The following NAV1 variants were observed in gnomAD, a reference collection of about 807,000 sequenced individuals.
NAV1 encodes the protein neuron navigator 1.
Under a neutral mutation model 175.2 loss-of-function variants are expected in NAV1, and 18 were observed. The observed-to-expected ratio is 0.10, with a 90% confidence interval of 0.07 to 0.15. The LOEUF is 0.15. Ranked by LOEUF, NAV1 falls within the 10% of genes least tolerant of loss-of-function variation. The probability of loss-of-function intolerance (pLI) is 1.00; values close to 1 mark genes in which losing one functional copy is unlikely to be tolerated. For synonymous variants in NAV1, 897 were observed against 978.7 expected (o/e 0.92, Z 1.56); for missense variants, 1,731 against 2,436.6 (o/e 0.71, Z 6.10).
intron 2 of NAV1, among the ~76,000 whole-genome samples, chr1:201,606,321 T>C (rs965083787): frequency 1.3e-5 from 2 of 152,214 alleles, no homozygotes; most frequent in Admixed American, 1.3e-4. Flanking sequence ...GTCTTTATTG[T>C]TCAAGGTAGA....
Position 201,718,885 on chromosome 1 carries a change from T to A in NAV1, c.1226+130T>A. 1 of 1,201,008 alleles carries A rather than the reference T, an allele frequency of 8.3e-7. No homozygotes were observed. 74.4% of individuals were successfully genotyped at this position (1,201,008 alleles called of 1,614,324 possible). ...GTGCTGCTATGAAAGTACACAAAAG[T>A]GTGCTGTGTACACTTTGTGATTGCC... On this transcript the variant is annotated intron_variant, in intron 3 of 29. Coordinates refer to ENST00000367296, the Ensembl canonical transcript of NAV1. The surrounding 1 kb of genome is among the most constrained non-coding windows in gnomAD (Gnocchi z 4.8).
In NAV1 at chr1:201,810,694, G is replaced by A. The variant is rs781210039; in HGVS notation, c.4733G>A (p.Arg1578His). The change falls in exon 24 of 30, where the codon CGC (arginine) becomes CAC (histidine). Residue 1578 changes from arginine to histidine, a missense_variant. By Grantham distance (29) the Arg-to-His change is conservative. This residue lies in a region of NAV1 where 115 missense variants were observed against 269.4 expected (regional missense o/e 0.43). Coordinates refer to ENST00000367296, the Ensembl canonical transcript of NAV1. The surrounding 1 kb of genome is among the most constrained non-coding windows in gnomAD (Gnocchi z 6.0). ...CGCTTGGCCGAGTACCTGGTGGAGC[G>A]CTCTGGCCGTGAGGTCACAGAGGGC... 3 of 1,614,062 alleles carry A rather than the reference G, an allele frequency of 1.9e-6. No individual in the cohort carries two copies. Among genetic ancestry groups the A allele is most frequent in the South Asian group, 1.1e-5 (1 of 91,068 alleles).
chr1:201,619,382 C>T (rs1282292227), upstream of NAV1, among the ~76,000 whole-genome samples: 1 of 151,886 alleles, frequency 6.6e-6, no homozygotes, highest in Non-Finnish European at 1.5e-5. Flanking sequence ...GGTTGTTGGG[C>T]AACACAACCT....
chr1:201,547,859 A>G, intron 1 of NAV1, among the ~76,000 whole-genome samples: 1 of 152,102 alleles, frequency 6.6e-6, no homozygotes. Flanking sequence ...CAGTGGCATG[A>G]TCTCGGCTCA....
intron 1 of NAV1, among the ~76,000 whole-genome samples, chr1:201,706,765 G>A (rs1298929076): frequency 6.6e-6 from 1 of 152,124 alleles, no homozygotes; most frequent in African/African-American, 2.4e-5. Flanking sequence ...CACTAATGTG[G>A]GATTTGAAAC....
chr1:201,633,415 C>G (rs941028840), intron 2 of NAV1, among the ~76,000 whole-genome samples: 2 of 152,190 alleles, frequency 1.3e-5, no homozygotes, highest in African/African-American at 4.8e-5. Flanking sequence ...CTGAGGACAT[C>G]CAGCTAGGAG....
chr1:201,597,701 A>G (rs1044920695), intron 2 of NAV1, among the ~76,000 whole-genome samples: 18 of 151,446 alleles, frequency 1.2e-4, no homozygotes, highest in African/African-American at 4.4e-4. Flanking sequence ...CCTCCCTCAC[A>G]CTCCTGCGGA....
exon 30 of NAV1, chr1:201,825,021 G>C (rs867574102): frequency 6.6e-6 from 1 of 152,166 alleles, no homozygotes; most frequent in Non-Finnish European, 1.5e-5. Flanking sequence ...GAAGGTTCTA[G>C]GTTGTCATTC....
intron 1 of NAV1, among the ~76,000 whole-genome samples, chr1:201,705,596 G>C (rs1671635048): frequency 2.0e-5 from 3 of 152,180 alleles, no homozygotes; most frequent in African/African-American, 7.2e-5. Flanking sequence ...GGGGTTCGGT[G>C]ACAACTGCCT....
intron 1 of NAV1, among the ~76,000 whole-genome samples, chr1:201,563,364 A>G (rs1666259280): frequency 6.6e-6 from 1 of 152,026 alleles, no homozygotes; most frequent in South Asian, 2.1e-4. Flanking sequence ...TTTCTGGTGT[A>G]TCTTTCTGGG....
intron 3 of NAV1, among the ~76,000 whole-genome samples, chr1:201,775,435 A>G (rs1020725076): frequency 1.3e-5 from 2 of 152,194 alleles, no homozygotes; most frequent in Non-Finnish European, 2.9e-5. Flanking sequence ...AATCAGTCCA[A>G]TCTCATCTCC....
At chr1:201,723,111 A>G (rs1237911599) in intron 3 of NAV1, among the ~76,000 whole-genome samples, 1 of 152,200 alleles carries the variant, frequency 6.6e-6, no homozygotes, top group Non-Finnish European at 1.5e-5. Context: ...ACTCCAACTC[A>G]AAAAAAGAAA....
Position 201,808,456 on chromosome 1 carries a change from A to G in NAV1, c.3884A>G (p.His1295Arg). Residue 1295 changes from histidine to arginine, a missense_variant, in exon 19 of 30, where the codon CAT (histidine) becomes CGT (arginine). By Grantham distance (29) the His-to-Arg change is conservative. This residue lies in a region of NAV1 where 146 missense variants were observed against 176.8 expected (regional missense o/e 0.83). Coordinates refer to ENST00000367296, the Ensembl canonical transcript of NAV1. This position sits in a 1 kb window ranked among gnomAD's most constrained non-coding sequence, Gnocchi z 5.5. ...CCAGCCCCCCACACTAGGCTGTTCC[A>G]TGCAAATGAGGAGGAGGAGCCAGAG... 1.2e-6 allele frequency: 2 copies of G among 1,614,208 alleles called. No homozygotes were observed. The highest frequency in any genetic ancestry group is 1.7e-6 in the Non-Finnish European group (2 of 1,180,006).
intron 1 of NAV1, among the ~76,000 whole-genome samples, chr1:201,703,552 A>C (rs1043464091): frequency 3.9e-5 from 6 of 152,230 alleles, no homozygotes; most frequent in African/African-American, 1.4e-4. Flanking sequence ...CTGGTCCCAC[A>C]GTCCTCCGCA....
chr1:201,780,703 C>T (rs1676267868), intron 4 of NAV1, 144 bp downstream of exon 8: 1 of 1,108,242 alleles, frequency 9.0e-7, no homozygotes. Flanking sequence ...TTTAGAGTTG[C>T]CCCCACCCCC....
At chr1:201,772,745 G>T (rs1454541159) in intron 3 of NAV1, among the ~76,000 whole-genome samples, 1 of 152,130 alleles carries the variant, frequency 6.6e-6, no homozygotes, top group Non-Finnish European at 1.5e-5. Flanking sequence ...TAAATACTAG[G>T]AGCTTGGGCC....
intron 2 of NAV1, among the ~76,000 whole-genome samples, chr1:201,607,261 G>T (rs555692445): frequency 6.6e-6 from 1 of 151,164 alleles, no homozygotes; most frequent in East Asian, 2.0e-4. Context: ...GACTACAGGC[G>T]TCCACCACCA....
rs1382163757 is a variant in NAV1 at position 201,813,747 on chromosome 1, G to T, written c.5340+489G>T. ...CTTTTGAAGACAAAATGAAATATGT[G>T]AAAAGATTTTTAAAAGTTAGAATAA... On this transcript the variant is annotated intron_variant, in intron 28 of 29. Coordinates refer to ENST00000367296, the Ensembl canonical transcript of NAV1. This position sits in a 1 kb window ranked among gnomAD's most constrained non-coding sequence, Gnocchi z 4.2. Among the ~76,000 whole-genome samples the T allele has an allele frequency of 6.6e-6, 1 of 152,104 alleles. No homozygotes were observed. Among genetic ancestry groups the T allele is most frequent in the East Asian group, 1.9e-4 (1 of 5,200 alleles).
chr1:201,793,330 A>ATCTC, intron 13 of NAV1: 3 of 154,936 alleles, frequency 1.9e-5, no homozygotes, highest in Non-Finnish European at 4.3e-5. Flanking sequence ...GGAGTAGCAG[A>ATCTC]GGAGGAAGAA....
Sources: allele counts gnomAD v4.1 joint callset (sites outside exome capture counted in the v4.1 genomes callset), GRCh38; gene constraint gnomAD v4.1.1; regional missense constraint gnomAD v4.1.1; non-coding constraint Gnocchi (gnomAD v3.1); transcripts MANE v1.5; gene names NCBI Gene and HGNC (gene_info 2026-07-23, HGNC 2026-07-21).